Variants in RAB38 observed in about 807,000 individuals in gnomAD.
The protein encoded by RAB38 is ras-related protein Rab-38.
RAB38 carries 15 observed loss-of-function variants against 18.4 expected under a neutral mutation model. That is an observed-to-expected ratio of 0.82 (90% CI 0.55 to 1.26). The LOEUF is 1.26. Among genes scored for constraint, RAB38 ranks in the 50% most tolerant of loss-of-function variants. RAB38 has a pLI of 0.00. For synonymous variants in RAB38, 101 were observed against 104.4 expected, an observed-to-expected ratio of 0.97 and a Z score of 0.20; for missense variants, 294 against 267.4, an observed-to-expected ratio of 1.10 and a Z score of -0.69.
chr11:87,920,943 G>C, the RAB38 span, among the ~76,000 whole-genome samples: 1 of 151,970 alleles, frequency 6.6e-6, no homozygotes, highest in Non-Finnish European at 1.5e-5. Context: ...TATAATTAGA[G>C]ATTTACTGGC....
the RAB38 span, among the ~76,000 whole-genome samples, chr11:88,014,192 T>G: frequency 6.6e-6 from 1 of 152,150 alleles, no homozygotes; most frequent in South Asian, 2.1e-4. Context: ...CTGTCTTATT[T>G]CTATACTCCA....
chr11:88,069,460 C>G, the RAB38 span, among the ~76,000 whole-genome samples: 1 of 152,234 alleles, frequency 6.6e-6, no homozygotes, highest in Non-Finnish European at 1.5e-5. Context: ...GCGGGCAGCT[C>G]CAACCACGGC....
the RAB38 span, among the ~76,000 whole-genome samples, chr11:87,903,268 G>T: frequency 6.6e-6 from 1 of 151,016 alleles, no homozygotes; most frequent in Non-Finnish European, 1.5e-5. Context: ...ATTGTTCTAG[G>T]CATATTTTTA....
At chr11:88,026,562 CAAAAAAAAAAA>C in the RAB38 span, among the ~76,000 whole-genome samples, 2 of 54,246 alleles carry the variant, frequency 3.7e-5, no homozygotes, top group South Asian at 8.8e-4. Flanking sequence ...GACTCTGTCA[CAAAAAAAAAAA>C]AAAAAAAAAA....
At chr11:87,873,238 G>C in the RAB38 span, among the ~76,000 whole-genome samples, 586 of 151,552 alleles carry the variant, frequency 3.9e-3, 1 homozygote, top group African/African-American at 0.013. Context: ...CTTGTTATCT[G>C]TATATCTTCT....
the RAB38 span, among the ~76,000 whole-genome samples, chr11:87,856,039 A>G: frequency 1.3e-5 from 2 of 152,176 alleles, no homozygotes; most frequent in Middle Eastern, 3.2e-3. Context: ...ACACACCACA[A>G]TTTACTAATT....
the RAB38 span, among the ~76,000 whole-genome samples, chr11:88,059,898 G>A: frequency 6.6e-6 from 1 of 152,160 alleles, no homozygotes; most frequent in Non-Finnish European, 1.5e-5. Context: ...CCACTGTCCT[G>A]GTGCCCAATT....
the RAB38 span, among the ~76,000 whole-genome samples, chr11:87,954,816 T>G: frequency 6.6e-6 from 1 of 151,910 alleles, no homozygotes; most frequent in African/African-American, 2.4e-5. Flanking sequence ...ATACACATTA[T>G]CTCATTAAAG....
chr11:87,950,689 T>G, the RAB38 span, among the ~76,000 whole-genome samples: 5 of 152,222 alleles, frequency 3.3e-5, no homozygotes, highest in Non-Finnish European at 5.9e-5. Flanking sequence ...AAAATTCTTT[T>G]CTTTAAGAAT....
At chr11:88,066,753 T>A in the RAB38 span, among the ~76,000 whole-genome samples, 1 of 152,200 alleles carries the variant, frequency 6.6e-6, no homozygotes, top group Non-Finnish European at 1.5e-5. Context: ...TCCAAGGATA[T>A]TTTTAACATT....
the RAB38 span, among the ~76,000 whole-genome samples, chr11:87,842,291 G>A: frequency 1.3e-5 from 2 of 152,180 alleles, no homozygotes; most frequent in Non-Finnish European, 2.9e-5. Flanking sequence ...GCATCATTAA[G>A]CTGTGTCACT....
the RAB38 span, among the ~76,000 whole-genome samples, chr11:88,066,924 G>T: frequency 6.6e-6 from 1 of 152,154 alleles, no homozygotes; most frequent in Non-Finnish European, 1.5e-5. Context: ...CCCTCTTCCA[G>T]CTAATCCCTG....
the RAB38 span, among the ~76,000 whole-genome samples, chr11:88,078,499 A>ATGTGTGTGTGTGTGTGTGTGTGTGTGTG: frequency 2.2e-5 from 1 of 44,620 alleles, no homozygotes; most frequent in African/African-American, 1.4e-4. Context: ...ATGTGTGTAT[A>ATGTGTGTGTGTGTGTGTGTGTGTGTGTG]TATGTGTGTG....
chr11:88,138,723 C>T (rs1942864528), intron 2 of RAB38, among the ~76,000 whole-genome samples: 1 of 151,822 alleles, frequency 6.6e-6, no homozygotes, highest in Non-Finnish European at 1.5e-5. Context: ...AAATAAAGCA[C>T]TTACTACAAG....
the RAB38 span, among the ~76,000 whole-genome samples, chr11:87,824,178 C>T: frequency 6.6e-6 from 1 of 152,162 alleles, no homozygotes; most frequent in Admixed American, 6.5e-5. Context: ...AGATGAATCA[C>T]TGCACTAGGA....
chr11:88,005,544 T>C, the RAB38 span, among the ~76,000 whole-genome samples: 29 of 151,542 alleles, frequency 1.9e-4, no homozygotes, highest in African/African-American at 6.7e-4. Context: ...TTTTGTTGGT[T>C]GTCTCTTTGC....
At chr11:87,920,993 T>C in the RAB38 span, among the ~76,000 whole-genome samples, 1 of 152,038 alleles carries the variant, frequency 6.6e-6, no homozygotes, top group African/African-American at 2.4e-5. Context: ...ACCAAGGGGC[T>C]GGCATCTGGC....
chr11:87,948,794 A>G, the RAB38 span, among the ~76,000 whole-genome samples: 3 of 151,478 alleles, frequency 2.0e-5, no homozygotes, highest in East Asian at 1.9e-4. Context: ...TCGGTTTGCC[A>G]GTATTTTATT....
the RAB38 span, among the ~76,000 whole-genome samples, chr11:88,069,089 T>A: frequency 6.6e-6 from 1 of 152,182 alleles, no homozygotes; most frequent in African/African-American, 2.4e-5. Flanking sequence ...GCACTGCGAT[T>A]GCGGGCCAGG....
Sources: gnomAD v4.1 joint callset for allele counts (sites outside exome capture counted in the v4.1 genomes callset) on GRCh38, gnomAD v4.1.1 for gene constraint, MANE v1.5 for transcripts, NCBI Gene and HGNC (gene_info 2026-07-23, HGNC 2026-07-21) for gene names.